LYG1: variants seen among roughly 807,000 people sequenced by gnomAD.
LYG1 encodes lysozyme g-like protein 1.
A neutral mutation model predicts 21.7 loss-of-function variants in LYG1; 17 were observed. The ratio of observed to expected loss-of-function variants is 0.78; its 90% CI spans 0.54 to 1.18. LYG1 has a LOEUF of 1.18. Ranked by LOEUF, LYG1 falls within the 50% of genes most tolerant of loss-of-function variation. The pLI is 0.00. For missense variants in LYG1, 211 were observed against 238.1 expected, an observed-to-expected ratio of 0.89 and a Z score of 0.75; for synonymous variants, 81 against 87.4, an observed-to-expected ratio of 0.93 and a Z score of 0.41.
chr2:99,297,294 C>A (rs1468012356), intron 2 of LYG1, among the ~76,000 whole-genome samples: 2 of 152,124 alleles, frequency 1.3e-5, no homozygotes, highest in Admixed American at 1.3e-4. Flanking sequence ...CAAGAGAGGA[C>A]AACCAATCCC....
intron 1 of LYG1, among the ~76,000 whole-genome samples, chr2:99,299,057 G>C (rs997451818): frequency 4.0e-5 from 6 of 151,728 alleles, no homozygotes; most frequent in Non-Finnish European, 8.8e-5. Flanking sequence ...TCAGCCTCCT[G>C]AGTAGCTGAG....
At chr2:99,303,016 GAA>G (rs60429754), upstream of LYG1, among the ~76,000 whole-genome samples, 5 of 136,400 alleles carry the variant, frequency 3.7e-5, no homozygotes, top group East Asian at 2.1e-4. Flanking sequence ...GCCTCCATCT[GAA>G]AAAAAAAAAA....
chr2:99,289,004 C>T (rs1009265617), intron 5 of LYG1, among the ~76,000 whole-genome samples: 7 of 152,054 alleles, frequency 4.6e-5, no homozygotes, highest in East Asian at 1.9e-4. Flanking sequence ...AAATGTGGTC[C>T]GGGAACCAGC....
chr2:99,302,254 G>A (rs2094156870), upstream of LYG1, among the ~76,000 whole-genome samples: 1 of 152,080 alleles, frequency 6.6e-6, no homozygotes, highest in Non-Finnish European at 1.5e-5. Flanking sequence ...TGTTTCTTCT[G>A]CATCCCCTGC....
chr2:99,297,349 T>TC (rs2094139877), intron 2 of LYG1, among the ~76,000 whole-genome samples: 1 of 152,162 alleles, frequency 6.6e-6, no homozygotes, highest in African/African-American at 2.4e-5. Flanking sequence ...TAGGAAAAGC[T>TC]CATGGTCTCA....
chr2:99,299,849 C>T (rs2105303744), intron 1 of LYG1, among the ~76,000 whole-genome samples: 1 of 150,872 alleles, frequency 6.6e-6, no homozygotes, highest in South Asian at 2.1e-4. Flanking sequence ...AAAGGCCTTA[C>T]CAGTAGCATC....
At chr2:99,298,293 C>T (rs1450383073) in intron 2 of LYG1, among the ~76,000 whole-genome samples, 166 bp downstream of exon 2, 1 of 152,132 alleles carries the variant, frequency 6.6e-6, no homozygotes, top group Non-Finnish European at 1.5e-5. Context: ...TGGTAGCATC[C>T]CTCTTCTCCC....
At chr2:99,288,545 T>C (rs1174906983) in intron 5 of LYG1, among the ~76,000 whole-genome samples, 1 of 142,230 alleles carries the variant, frequency 7.0e-6, no homozygotes, top group African/African-American at 2.6e-5. Flanking sequence ...TCTACATTCC[T>C]TTTTACTCTT....
chr2:99,297,767 T>G (rs1236398712), intron 2 of LYG1, among the ~76,000 whole-genome samples: 1 of 152,136 alleles, frequency 6.6e-6, no homozygotes, highest in Non-Finnish European at 1.5e-5. Context: ...CAGGCTGGAG[T>G]GCAATGGCAC....
At chr2:99,296,802 G>A (rs748958370) in intron 2 of LYG1, among the ~76,000 whole-genome samples, 5 of 152,146 alleles carry the variant, frequency 3.3e-5, no homozygotes, top group Non-Finnish European at 7.4e-5. Context: ...AACCTTATGG[G>A]TTGTTTCTTT....
Position 99,291,277 on chromosome 2 carries a change from T to G in LYG1, c.293A>C (p.Lys98Thr). ...GVLSRKSPGD[K>T]ILVNMGDRTS... is the part of the protein sequence containing the mutation. ...CCTATCGCCCATGTTGACCAGAATT[T>G]TGTCACCGGGAGACTTCCTGGACAA... is the stretch of plus-strand genomic sequence containing the variant. Residue 98 changes from lysine (K) to threonine (T), a missense_variant, in exon 5 of 7, where the codon AAA (lysine) becomes ACA (threonine). Lys to Thr is a moderately conservative substitution (Grantham distance 78). Transcript: ENST00000308528. 1.2e-6 allele frequency: 2 copies of G among 1,614,150 alleles called. No homozygotes were observed. Among genetic ancestry groups the G allele is most frequent in the Non-Finnish European group, 1.7e-6 (2 of 1,180,026 alleles).
intron 1 of LYG1, among the ~76,000 whole-genome samples, chr2:99,299,509 G>A (rs2094147862): frequency 6.7e-6 from 1 of 148,188 alleles, no homozygotes; most frequent in Non-Finnish European, 1.5e-5. Context: ...CTGCACCCTC[G>A]ACCTGCCTGA....
At chr2:99,290,594 T>C (rs1468963103) in intron 5 of LYG1, among the ~76,000 whole-genome samples, 1 of 152,082 alleles carries the variant, frequency 6.6e-6, no homozygotes. Flanking sequence ...GTGAGATCAA[T>C]GGAAAAAATC....
chr2:99,289,258 G>A (rs2094111534), intron 5 of LYG1, among the ~76,000 whole-genome samples: 1 of 151,912 alleles, frequency 6.6e-6, no homozygotes, highest in African/African-American at 2.4e-5. Context: ...CCAGGAGTTC[G>A]AGACCAGCCT....
At chr2:99,297,166 C>A (rs2094139277) in intron 2 of LYG1, among the ~76,000 whole-genome samples, 1 of 152,198 alleles carries the variant, frequency 6.6e-6, no homozygotes, top group South Asian at 2.1e-4. Flanking sequence ...ATGTCATGGT[C>A]AGTCCCAACA....
chr2:99,299,853 T>C (rs1383175693), intron 1 of LYG1, among the ~76,000 whole-genome samples: 1 of 151,970 alleles, frequency 6.6e-6, no homozygotes, highest in East Asian at 1.9e-4. Context: ...GCCTTACCAG[T>C]AGCATCATGT....
upstream of LYG1, among the ~76,000 whole-genome samples, chr2:99,302,608 A>G (rs2094157846): frequency 6.6e-6 from 1 of 152,222 alleles, no homozygotes; most frequent in South Asian, 2.1e-4. Context: ...CTTATGGCAC[A>G]TAAGGGGTAT....
upstream of LYG1, among the ~76,000 whole-genome samples, chr2:99,303,174 G>T (rs955497112): frequency 6.6e-6 from 1 of 151,974 alleles, no homozygotes; most frequent in East Asian, 1.9e-4. Flanking sequence ...GGTTCCTCTC[G>T]GTTGTTGGCA....
chr2:99,304,120 G>C (rs2094161126), upstream of LYG1, among the ~76,000 whole-genome samples: 1 of 152,148 alleles, frequency 6.6e-6, no homozygotes, highest in Middle Eastern at 3.4e-3. Context: ...GGAGGGGTCA[G>C]AAGTGGAATG....
Sources: allele counts gnomAD v4.1 joint callset (sites outside exome capture counted in the v4.1 genomes callset), GRCh38; gene constraint gnomAD v4.1.1; transcripts MANE v1.5; gene names NCBI Gene and HGNC (gene_info 2026-07-23, HGNC 2026-07-21).